The following KCND2 variants were observed in gnomAD, a reference collection of about 807,000 sequenced individuals.
KCND2 encodes the protein A-type voltage-gated potassium channel KCND2.
KCND2 carries 16 observed loss-of-function variants against 54.4 expected under a neutral mutation model. The ratio of observed to expected loss-of-function variants is 0.29; its 90% CI spans 0.20 to 0.45. The LOEUF (loss-of-function observed/expected upper bound fraction) is 0.45. Among genes scored for constraint, KCND2 ranks in the 20% least tolerant of loss-of-function variants. KCND2 has a pLI of 1.00. For missense variants in KCND2, 486 were observed against 824.2 expected (o/e 0.59, Z 5.02); for synonymous variants, 317 against 310.7 (o/e 1.02, Z -0.21).
chr7:120,287,170 T>G (rs1483418573), intron 1 of KCND2, among the ~76,000 whole-genome samples: 1 of 152,126 alleles, frequency 6.6e-6, no homozygotes, highest in African/African-American at 2.4e-5. Flanking sequence ...GAAATATTTT[T>G]GATTGGGCTA....
At chr7:120,595,306 C>T (rs1792724468) in intron 1 of KCND2, among the ~76,000 whole-genome samples, 1 of 151,224 alleles carries the variant, frequency 6.6e-6, no homozygotes, top group African/African-American at 2.4e-5. Flanking sequence ...CAAAAATTAG[C>T]CAGGCGTGGT....
chr7:120,733,577 AT>A (rs1792833480), intron 2 of KCND2, among the ~76,000 whole-genome samples: 1 of 152,086 alleles, frequency 6.6e-6, no homozygotes, highest in Admixed American at 6.6e-5. Context: ...TTAAAATCAG[AT>A]TTCTAGATCT....
At chr7:120,295,956 A>G (rs1218803344) in intron 1 of KCND2, among the ~76,000 whole-genome samples, 1 of 152,122 alleles carries the variant, frequency 6.6e-6, no homozygotes, top group East Asian at 1.9e-4. Flanking sequence ...TTTCCCAAGG[A>G]ATAATTCACA....
intron 1 of KCND2, among the ~76,000 whole-genome samples, chr7:120,357,081 T>G (rs932919225): frequency 1.3e-5 from 2 of 152,128 alleles, no homozygotes; most frequent in Non-Finnish European, 2.9e-5. Context: ...TTGTAATACA[T>G]TCACCCTTTT....
At chr7:120,511,890 A>T (rs1803121238) in intron 1 of KCND2, among the ~76,000 whole-genome samples, 1 of 152,120 alleles carries the variant, frequency 6.6e-6, no homozygotes, top group Non-Finnish European at 1.5e-5. Context: ...CACTTGTATT[A>T]TATCAAAATA....
intron 1 of KCND2, among the ~76,000 whole-genome samples, chr7:120,296,522 G>T (rs989560586): frequency 3.3e-5 from 5 of 152,052 alleles, no homozygotes; most frequent in Non-Finnish European, 7.4e-5. Flanking sequence ...TTCAATATGT[G>T]CCAATAGTAT....
chr7:120,544,079 A>G (rs1010981556), intron 1 of KCND2, among the ~76,000 whole-genome samples: 1 of 152,016 alleles, frequency 6.6e-6, no homozygotes, highest in African/African-American at 2.4e-5. Context: ...TTCTGACAAG[A>G]AAAAACATTA....
At chr7:120,707,354 C>A (rs1013782822) in intron 1 of KCND2, among the ~76,000 whole-genome samples, 1 of 152,070 alleles carries the variant, frequency 6.6e-6, no homozygotes, top group African/African-American at 2.4e-5. Flanking sequence ...AAAATTCATA[C>A]ACTAGGACAA....
intron 1 of KCND2, among the ~76,000 whole-genome samples, chr7:120,469,263 T>C (rs1259541149): frequency 1.3e-5 from 2 of 152,154 alleles, no homozygotes; most frequent in Non-Finnish European, 2.9e-5. Flanking sequence ...ATAGGTTTAG[T>C]TATTAGCTGA....
intron 1 of KCND2, among the ~76,000 whole-genome samples, chr7:120,678,356 T>TAC (rs1792093319): frequency 6.9e-6 from 1 of 144,852 alleles, no homozygotes; most frequent in Non-Finnish European, 1.5e-5. Flanking sequence ...TATATATATA[T>TAC]ATATATATAT....
At chr7:120,581,162 TTTCTA>T (rs1388997325) in intron 1 of KCND2, among the ~76,000 whole-genome samples, 1 of 152,230 alleles carries the variant, frequency 6.6e-6, no homozygotes, top group Non-Finnish European at 1.5e-5. Flanking sequence ...TAGGCAGAGT[TTTCTA>T]AGCTTATTCA....
rs758629492 is a variant in KCND2 at position 120,720,743 on chromosome 7, C to T, written c.1116-12160C>T. On this transcript the variant is annotated intron_variant, in intron 1 of 5. Coordinates refer to ENST00000331113, the MANE Select transcript of KCND2 (RefSeq NM_012281.3). ...TCCTCCTCCCTTTACCCTGCAGCCTCGTGCTGGTGGCAGCTTCCTGCTGTT... is the reference window on the plus strand; with the variant it reads ...TCCTCCTCCCTTTACCCTGCAGCCTTGTGCTGGTGGCAGCTTCCTGCTGTT... Among the ~76,000 whole-genome samples, 23 of 152,306 alleles carry T rather than the reference C, an allele frequency of 1.5e-4. No individual in the cohort carries two copies. The East Asian group carries it at 3.7e-3, about 24-fold the overall frequency.
intron 1 of KCND2, among the ~76,000 whole-genome samples, chr7:120,399,326 A>G (rs1025122937): frequency 3.3e-5 from 5 of 151,974 alleles, no homozygotes; most frequent in Admixed American, 3.3e-4. Context: ...ATCAGAGTTT[A>G]TGGTGTATTC....
intron 1 of KCND2, among the ~76,000 whole-genome samples, chr7:120,678,396 CAT>C (rs1490472083): frequency 0.027 from 3,650 of 136,306 alleles, 119 homozygotes; most frequent in East Asian, 0.22. Context: ...TATATAGACA[CAT>C]ACACACATAT....
intron 1 of KCND2, among the ~76,000 whole-genome samples, chr7:120,460,817 G>A (rs1032648557): frequency 7.9e-5 from 12 of 152,024 alleles, no homozygotes; most frequent in South Asian, 2.1e-4. Context: ...AAAGAAACGC[G>A]TGGAAGACAA....
chr7:120,400,166 A>G (rs1432934073), intron 1 of KCND2, among the ~76,000 whole-genome samples: 2 of 152,164 alleles, frequency 1.3e-5, no homozygotes, highest in African/African-American at 4.8e-5. Flanking sequence ...GACTATTAAC[A>G]TGACTCTTTT....
In KCND2 at chr7:120,577,909, A is replaced by G. The variant is rs1792457934; in HGVS notation, c.1116-154994A>G. 2.6e-5 allele frequency among the ~76,000 whole-genome samples: 4 copies of G among 152,098 alleles called. No homozygotes were observed. The South Asian group carries it at 8.3e-4, about 31-fold the overall frequency. The stretch of plus-strand genomic sequence containing the variant: ...AAAACCTTGGTATTTTTAAGAAAAA[A>G]TACATTTTTGGCCAGGCATGGCAGT... On this transcript the variant is annotated intron_variant, in intron 1 of 5. Coordinates refer to ENST00000331113, the MANE Select transcript of KCND2 (RefSeq NM_012281.3).
chr7:120,603,521 T>G (rs1000333410), intron 1 of KCND2, among the ~76,000 whole-genome samples: 1 of 152,292 alleles, frequency 6.6e-6, no homozygotes, highest in Admixed American at 6.5e-5. Context: ...AGCACTGAGC[T>G]TGATATGTAT....
At chr7:120,506,507 G>T (rs1248773869) in intron 1 of KCND2, among the ~76,000 whole-genome samples, 1 of 151,792 alleles carries the variant, frequency 6.6e-6, no homozygotes, top group Non-Finnish European at 1.5e-5. Context: ...GACAAACATA[G>T]TACTAAAACT....
Sources: allele counts gnomAD v4.1 joint callset (sites outside exome capture counted in the v4.1 genomes callset), GRCh38; gene constraint gnomAD v4.1.1; transcripts MANE v1.5; gene names NCBI Gene and HGNC (gene_info 2026-07-23, HGNC 2026-07-21).